Variants in DUSP16 observed in about 807,000 individuals in gnomAD.
DUSP16 encodes the protein dual specificity phosphatase 16.
In DUSP16, 21 loss-of-function variants were observed where a neutral mutation model predicts 58.3. That is an observed-to-expected ratio of 0.36 (90% CI 0.26 to 0.52). DUSP16 has a LOEUF of 0.52. DUSP16 is among the 20% of genes least tolerant of loss of function. DUSP16 has a pLI of 0.94. For missense variants in DUSP16, 726 were observed against 819.0 expected (o/e 0.89, Z 1.39); for synonymous variants, 320 against 323.8 (o/e 0.99, Z 0.12).
At chr12:12,559,151 G>GA (rs534191544) in intron 1 of DUSP16, among the ~76,000 whole-genome samples, 197 of 149,390 alleles carry the variant, frequency 1.3e-3, no homozygotes, top group African/African-American at 2.7e-3. Context: ...AAGAAAATCA[G>GA]AAAAAAAAAA....
intron 1 of DUSP16, among the ~76,000 whole-genome samples, chr12:12,534,391 G>A (rs1235445543): frequency 6.6e-6 from 1 of 152,218 alleles, no homozygotes; most frequent in East Asian, 1.9e-4. Context: ...AGCACCACAG[G>A]AAAGCAAGGA....
At chr12:12,557,733 T>G (rs944311771) in intron 1 of DUSP16, among the ~76,000 whole-genome samples, 1 of 152,212 alleles carries the variant, frequency 6.6e-6, no homozygotes, top group Non-Finnish European at 1.5e-5. Context: ...ATCACTTTTT[T>G]AATGTACTGT....
At chr12:12,503,149 ATAAT>A (rs1337638272) in intron 3 of DUSP16, among the ~76,000 whole-genome samples, 7 of 151,700 alleles carry the variant, frequency 4.6e-5, no homozygotes, top group African/African-American at 1.5e-4. Context: ...AGTTGTTGAG[ATAAT>A]TAGTTAGTAT....
chr12:12,553,478 A>G (rs1217861102), intron 1 of DUSP16, among the ~76,000 whole-genome samples: 2 of 152,246 alleles, frequency 1.3e-5, no homozygotes, highest in Admixed American at 6.5e-5. Context: ...AGCAATTTAT[A>G]AACTACAAGG....
At chr12:12,485,731 C>T (rs1319049928) in intron 5 of DUSP16, among the ~76,000 whole-genome samples, 2 of 151,030 alleles carry the variant, frequency 1.3e-5, no homozygotes, top group Non-Finnish European at 2.9e-5. Context: ...TTGCTTGCCT[C>T]GGCTTGTTAA....
intron 2 of DUSP16, among the ~76,000 whole-genome samples, chr12:12,520,424 GACA>G (rs1216322466): frequency 2.0e-5 from 3 of 152,106 alleles, no homozygotes; most frequent in East Asian, 3.8e-4. Flanking sequence ...TCACCACACA[GACA>G]ACATTTTAGT....
intron 3 of DUSP16, among the ~76,000 whole-genome samples, chr12:12,518,714 ATAT>A (rs1944188782): frequency 6.6e-6 from 1 of 152,224 alleles, no homozygotes; most frequent in South Asian, 2.1e-4. Context: ...ACAGAATCTA[ATAT>A]TATAATTCTC....
rs758095674 is a variant in DUSP16, at chr12:12,521,144, C to G, written c.-46G>C. The G allele has an allele frequency of 5.7e-6, 9 of 1,591,336 alleles. No individual in the cohort carries two copies. Among genetic ancestry groups the G allele is most frequent in the Non-Finnish European group, 7.7e-6 (9 of 1,168,640 alleles). On this transcript the variant is annotated 5_prime_UTR_variant, in exon 2 of 7. Coordinates refer to ENST00000298573, the MANE Select transcript of DUSP16 (RefSeq NM_030640.3). ...TCCCACCTCCTTCTTTAATTTGCCA[C>G]GATGATGTAATGGTGGTGTGCTCAA...
intron 4 of DUSP16, among the ~76,000 whole-genome samples, chr12:12,498,870 A>C (rs1305219693): frequency 3.9e-5 from 6 of 152,114 alleles, no homozygotes; most frequent in Non-Finnish European, 8.8e-5. Context: ...GTTGTCCTAT[A>C]AACTTCCACA....
intron 1 of DUSP16, among the ~76,000 whole-genome samples, chr12:12,547,391 A>C (rs1944657260): frequency 6.6e-6 from 1 of 150,422 alleles, no homozygotes; most frequent in Non-Finnish European, 1.5e-5. Flanking sequence ...GCGCCACTGC[A>C]CTCTAGCCTG....
chr12:12,527,904 G>T (rs975724208), intron 1 of DUSP16, among the ~76,000 whole-genome samples: 5 of 152,152 alleles, frequency 3.3e-5, no homozygotes, highest in East Asian at 1.9e-4. Context: ...TACATCTCAA[G>T]GACCCACAGA....
intron 3 of DUSP16, among the ~76,000 whole-genome samples, chr12:12,508,768 G>A (rs1418043947): frequency 6.6e-6 from 1 of 152,128 alleles, no homozygotes; most frequent in Non-Finnish European, 1.5e-5. Context: ...TTGGGAAATG[G>A]GAAATTCTAT....
At chr12:12,558,482 A>C (rs1944844619) in intron 1 of DUSP16, among the ~76,000 whole-genome samples, 1 of 152,034 alleles carries the variant, frequency 6.6e-6, no homozygotes, top group African/African-American at 2.4e-5. Context: ...CCCAGGCTCA[A>C]GAGATCCTCC....
In DUSP16 at chr12:12,477,271, G is replaced by A. The variant is rs556406123; in HGVS notation, c.1560C>T (p.Gly520=). The A allele has an allele frequency of 8.7e-6, 14 of 1,614,244 alleles. No individual in the cohort carries two copies. The Admixed American group carries it at 2.3e-4, about 27-fold the overall frequency. ...TGAGGTGCTGCTGGCTGGTGGAAAG[G>A]CCGAAAAGGAAGCTGGTGTGGTAAT... ...EDNYHTSFLF[G]LSTSQQHLTK... is the part of the protein sequence containing the mutation. Residue 520 remains glycine, a synonymous_variant, in exon 7 of 7, where the codon GGC becomes GGT. Coordinates refer to ENST00000298573, the MANE Select transcript of DUSP16 (RefSeq NM_030640.3). The surrounding 1 kb of genome is among the most constrained non-coding windows in gnomAD (Gnocchi z 4.1).
chr12:12,530,281 CAT>C (rs1031227770), intron 1 of DUSP16, among the ~76,000 whole-genome samples: 1 of 152,158 alleles, frequency 6.6e-6, no homozygotes, highest in African/African-American at 2.4e-5. Flanking sequence ...AGCATTTTTT[CAT>C]AGACCTGTTG....
chr12:12,499,283 T>A (rs2136210797), intron 4 of DUSP16, among the ~76,000 whole-genome samples: 1 of 152,332 alleles, frequency 6.6e-6, no homozygotes, highest in East Asian at 1.9e-4. Flanking sequence ...TTTAAGAAAT[T>A]AATTTTGCTT....
intron 3 of DUSP16, among the ~76,000 whole-genome samples, chr12:12,507,753 G>A (rs1555165962): frequency 6.6e-6 from 1 of 152,196 alleles, no homozygotes; most frequent in Non-Finnish European, 1.5e-5. Context: ...GGGATCACAG[G>A]CATGCGCCAT....
At chr12:12,497,524 T>C (rs773065494) in intron 4 of DUSP16, among the ~76,000 whole-genome samples, 17 of 152,124 alleles carry the variant, frequency 1.1e-4, no homozygotes, top group Non-Finnish European at 2.4e-4. Context: ...GTGACTTAGC[T>C]CAGGGCAAAT....
chr12:12,538,685 A>G (rs923207751), intron 1 of DUSP16, among the ~76,000 whole-genome samples: 3 of 152,214 alleles, frequency 2.0e-5, no homozygotes, highest in Non-Finnish European at 1.5e-5. Flanking sequence ...CCTGCCATGA[A>G]GTTACAGATG....
Sources: allele counts gnomAD v4.1 joint callset (sites outside exome capture counted in the v4.1 genomes callset), GRCh38; gene constraint gnomAD v4.1.1; non-coding constraint Gnocchi (gnomAD v3.1); transcripts MANE v1.5; gene names NCBI Gene and HGNC (gene_info 2026-07-23, HGNC 2026-07-21).